Variants in OR7G2 observed in about 807,000 individuals in gnomAD.
The protein encoded by OR7G2 is olfactory receptor 7G2.
For synonymous variants in OR7G2, 153 were observed against 152.2 expected, an observed-to-expected ratio of 1.01 and a Z score of -0.04; for missense variants, 362 against 384.0, an observed-to-expected ratio of 0.94 and a Z score of 0.48.
At chr19:9,103,613 C>T (rs1042721794) in intron 1 of OR7G2, among the ~76,000 whole-genome samples, 2 of 142,310 alleles carry the variant, frequency 1.4e-5, no homozygotes, top group African/African-American at 5.4e-5. Context: ...TCAAGTGATT[C>T]TCTGGCCTCA....
Position 9,103,108 on chromosome 19 carries a change from G to GGAT in OR7G2, c.133_135dup (p.Ile45dup). 1 of 1,614,112 alleles carries GGAT rather than the reference G, an allele frequency of 6.2e-7. No homozygotes were observed. The highest frequency in any genetic ancestry group is 8.5e-7 in the Non-Finnish European group (1 of 1,180,028). Reference sequence around the variant, plus strand: ...TGAGAGTCAGAGATGACAGCCAAGAGGATGAGCAGGTTCCCCAGGATGGTG... The same window carrying GGAT: ...TGAGAGTCAGAGATGACAGCCAAGAGGATGATGAGCAGGTTCCCCAGGATGGTG... On this transcript the variant is annotated inframe_insertion, in exon 2 of 2. Transcript: ENST00000641081.
rs2145910837 is a variant in OR7G2, at chr19:9,102,934, CA to C, written c.309del (p.Phe103LeufsTer34). 1.2e-6 allele frequency: 2 copies of C among 1,614,188 alleles called. No homozygotes were observed. The highest frequency in any genetic ancestry group is 4.5e-5 in the East Asian group (2 of 44,884). ...TYSGCLTQIC[F>X]VLFFAGLENC... Reference sequence around the variant, plus strand: ...TTTTCCAAGCCAGCAAAAAACAAGACAAAGCAGATCTGGGTGAGGCAGCCTG... The same window carrying C: ...TTTTCCAAGCCAGCAAAAAACAAGACAAGCAGATCTGGGTGAGGCAGCCTG... On this transcript the variant is annotated frameshift_variant, in exon 2 of 2. Coordinates refer to ENST00000641081, the MANE Select transcript of OR7G2 (RefSeq NM_001005193.2). LOFTEE classifies it low-confidence loss of function (END_TRUNC).
rs1404954202 is a variant in OR7G2 at position 9,102,734 on chromosome 19, T to G, written c.510A>C (p.Thr170=). 23 of 1,614,014 alleles carry G rather than the reference T, an allele frequency of 1.4e-5. No homozygotes were observed. The highest frequency in any genetic ancestry group is 6.7e-5 in the African/African-American group (5 of 74,916). The change falls in exon 2 of 2, where the codon ACA becomes ACC. Residue 170 remains threonine (T), a synonymous_variant. Transcript: ENST00000641081. The part of the protein sequence containing the change: ...SLMVLRLSFC[T]DLEIPLFFCE... ...AGAAGAAGAGCGGGATTTCCAGGTCTGTGCAGAAGGACAGCCTCAACACCA... is the reference window on the plus strand; with the variant it reads ...AGAAGAAGAGCGGGATTTCCAGGTCGGTGCAGAAGGACAGCCTCAACACCA...
At chr19:9,107,254 T>A (rs1219752808) in intron 1 of OR7G2, 60 bp downstream of exon 1, 1 of 152,090 alleles carries the variant, frequency 6.6e-6, no homozygotes, top group Non-Finnish European at 1.5e-5. Flanking sequence ...AAGCATTAAT[T>A]AACTAAAGGA....
rs1425478920 is a variant in OR7G2 at position 9,102,448 on chromosome 19, C to G, written c.796G>C (p.Asp266His). 6.2e-7 allele frequency: 1 copy of G among 1,613,872 alleles called. No homozygotes were observed. The highest frequency in any genetic ancestry group is 8.5e-7 in the Non-Finnish European group (1 of 1,179,906). Residue 266 changes from aspartate to histidine, a missense_variant, in exon 2 of 2, where the codon GAC becomes CAC. Transcript: ENST00000641081. ...LGVYISSVVT[D>H]SPRKTAVASV... is the part of the protein sequence containing the mutation. ...GCCACTGCAGTCTTCCTAGGTGAGTCAGTAACCACAGAACTAATGTACACC... is the reference window on the plus strand; with the variant it reads ...GCCACTGCAGTCTTCCTAGGTGAGTGAGTAACCACAGAACTAATGTACACC...
Position 9,104,166 on chromosome 19 carries a change from T to C in OR7G2, c.-16-907A>G, listed in dbSNP as rs189127597. Among the ~76,000 whole-genome samples, 239 of 152,230 alleles carry C rather than the reference T, an allele frequency of 1.6e-3. 3 individuals carry two copies. Among genetic ancestry groups the C allele is most frequent in the African/African-American group, 5.6e-3 (232 of 41,534 alleles). ...GCTCCCGAAGTCCTGGGATTACAGG[T>C]GTGAGCCATCACGCTCGGCCAAAGA... On this transcript the variant is annotated intron_variant, in intron 1 of 1. Coordinates refer to ENST00000641081, the MANE Select transcript of OR7G2 (RefSeq NM_001005193.2).
chr19:9,102,410 A>C lies in OR7G2; in HGVS notation c.834T>G (p.Tyr278Ter), dbSNP rs762501934. ...PRKTAVASVM[Y>*]SVFPQMVNPF... ...GGTTCACCATTTGAGGGAACACAGA[A>C]TACATCACTGAAGCCACTGCAGTCT... The change falls in exon 2 of 2, where the codon TAT becomes TAG. Residue 278 changes from tyrosine to a stop codon, truncating the protein, a stop_gained. Coordinates refer to ENST00000641081, the MANE Select transcript of OR7G2 (RefSeq NM_001005193.2). LOFTEE classifies it low-confidence loss of function (END_TRUNC). 4 of 1,613,926 alleles carry C rather than the reference A, an allele frequency of 2.5e-6. 1 individual carries two copies. The South Asian group carries it at 4.4e-5, about 18-fold the overall frequency.
chr19:9,107,265 C>T (rs1214164719), intron 1 of OR7G2, 49 bp downstream of exon 1: 1 of 152,074 alleles, frequency 6.6e-6, no homozygotes, highest in Non-Finnish European at 1.5e-5. Context: ...AACTAAAGGA[C>T]TTTGGGTTAA....
chr19:9,105,132 G>T (rs935939609), intron 1 of OR7G2, among the ~76,000 whole-genome samples: 2 of 151,552 alleles, frequency 1.3e-5, no homozygotes, highest in African/African-American at 4.8e-5. Context: ...CACCGCACCC[G>T]GCTAATTTTT....
intron 1 of OR7G2, among the ~76,000 whole-genome samples, chr19:9,104,253 G>A (rs886487854): frequency 6.6e-6 from 1 of 152,000 alleles, no homozygotes; most frequent in South Asian, 2.1e-4. Flanking sequence ...GACACTTCTA[G>A]TCTAGTCTAG....
At chr19:9,104,157 G>A (rs2050373035) in intron 1 of OR7G2, among the ~76,000 whole-genome samples, 1 of 152,140 alleles carries the variant, frequency 6.6e-6, no homozygotes, top group South Asian at 2.1e-4. Context: ...GAAGTCCTGG[G>A]ATTACAGGTG....
Position 9,102,485 on chromosome 19 carries a change from C to T in OR7G2, c.759G>A (p.Gly253=). The T allele has an allele frequency of 6.2e-7, 1 of 1,613,968 alleles. No individual in the cohort carries two copies. Among genetic ancestry groups the T allele is most frequent in the Non-Finnish European group, 8.5e-7 (1 of 1,179,896 alleles). The part of the protein sequence containing the change: ...SHLSIVLLFY[G]AGLGVYISSV... ...AACTAATGTACACCCCCAAACCTGCCCCATAGAACAAGAGAACAATGGAGA... is the reference window on the plus strand; with the variant it reads ...AACTAATGTACACCCCCAAACCTGCTCCATAGAACAAGAGAACAATGGAGA... Residue 253 remains glycine (G), a synonymous_variant, in exon 2 of 2, where the codon GGG becomes GGA. Coordinates refer to ENST00000641081, the MANE Select transcript of OR7G2 (RefSeq NM_001005193.2).
At position 9,103,279 on chromosome 19, in the gene OR7G2, A is replaced by G. The variant is rs758254786; in HGVS notation, c.-16-20T>C. 14 of 1,613,322 alleles carry G rather than the reference A, an allele frequency of 8.7e-6. No individual in the cohort carries two copies. The highest frequency in any genetic ancestry group is 8.5e-7 in the Non-Finnish European group (1 of 1,179,662). ...ATGAATCTGATGGAAAAGATAATAAAATCTGTAAGCAGCAGCTGCATCGGC... is the reference window on the plus strand; with the variant it reads ...ATGAATCTGATGGAAAAGATAATAAGATCTGTAAGCAGCAGCTGCATCGGC... On this transcript the variant is annotated intron_variant, in intron 1 of 1. Transcript: ENST00000641081.
In OR7G2 at chr19:9,103,261, T is replaced by G; in HGVS notation, c.-16-2A>C. 6.2e-7 allele frequency: 1 copy of G among 1,613,992 alleles called. No individual in the cohort carries two copies. Among genetic ancestry groups the G allele is most frequent in the Non-Finnish European group, 8.5e-7 (1 of 1,179,968 alleles). Reference sequence around the variant, plus strand: ...GCTTCCATGCTGTTGATGATGAATCTGATGGAAAAGATAATAAAATCTGTA... The same window carrying G: ...GCTTCCATGCTGTTGATGATGAATCGGATGGAAAAGATAATAAAATCTGTA... On this transcript the variant is annotated splice_acceptor_variant, in intron 1 of 1. Coordinates refer to ENST00000641081, the MANE Select transcript of OR7G2 (RefSeq NM_001005193.2). LOFTEE classifies it low-confidence loss of function (5UTR_SPLICE).
Position 9,102,941 on chromosome 19 carries a change from G to A in OR7G2, c.303C>T (p.Ile101=). The A allele has an allele frequency of 6.2e-7, 1 of 1,614,226 alleles. No individual in the cohort carries two copies. Among genetic ancestry groups the A allele is most frequent in the Non-Finnish European group, 8.5e-7 (1 of 1,180,034 alleles). ...SITYSGCLTQ[I]CFVLFFAGLE... Reference sequence around the variant, plus strand: ...AGCCAGCAAAAAACAAGACAAAGCAGATCTGGGTGAGGCAGCCTGAGTACG... The same window carrying A: ...AGCCAGCAAAAAACAAGACAAAGCAAATCTGGGTGAGGCAGCCTGAGTACG... The change falls in exon 2 of 2, where the codon ATC becomes ATT. Residue 101 remains isoleucine (I), a synonymous_variant. Transcript: ENST00000641081.
chr19:9,107,213 C>T (rs576120882), intron 1 of OR7G2, 101 bp downstream of exon 1: 3 of 152,016 alleles, frequency 2.0e-5, no homozygotes, highest in African/African-American at 4.8e-5. Flanking sequence ...AAAAAAACCC[C>T]AAAAAACAAA....
chr19:9,104,722 G>C (rs1568299772), intron 1 of OR7G2, among the ~76,000 whole-genome samples: 1 of 151,788 alleles, frequency 6.6e-6, no homozygotes, highest in Non-Finnish European at 1.5e-5. Context: ...AGCTACTCGG[G>C]AGGCTGAGGC....
intron 1 of OR7G2, among the ~76,000 whole-genome samples, chr19:9,106,247 G>A (rs567434983): frequency 2.1e-5 from 3 of 145,204 alleles, no homozygotes; most frequent in East Asian, 2.3e-4. Flanking sequence ...GCGAAACCCC[G>A]TCTTTACTAC....
chr19:9,102,989 G>T lies in OR7G2; in HGVS notation c.255C>A (p.Ile85=), dbSNP rs1411719366. ...TTTIPKMLVN[I]QAQNRSITYS... ...ACGTGATGCTCCGATTCTGAGCTTGGATGTTCACCAGCATCTTTGGGATCG... is the reference window on the plus strand; with the variant it reads ...ACGTGATGCTCCGATTCTGAGCTTGTATGTTCACCAGCATCTTTGGGATCG... Residue 85 remains isoleucine, a synonymous_variant, in exon 2 of 2, where the codon ATC becomes ATA. Transcript: ENST00000641081. 2.5e-6 allele frequency: 4 copies of T among 1,614,072 alleles called. No individual in the cohort carries two copies. Among genetic ancestry groups the T allele is most frequent in the Non-Finnish European group, 3.4e-6 (4 of 1,180,042 alleles).
Sources: gnomAD v4.1 joint callset for allele counts (sites outside exome capture counted in the v4.1 genomes callset) on GRCh38, gnomAD v4.1.1 for gene constraint, MANE v1.5 for transcripts, NCBI Gene and HGNC (gene_info 2026-07-23, HGNC 2026-07-21) for gene names.